The following CNBD1 variants were observed in gnomAD, a reference collection of about 807,000 sequenced individuals.
CNBD1 encodes cyclic nucleotide-binding domain-containing protein 1.
CNBD1 carries 71 observed loss-of-function variants against 54.4 expected under a neutral mutation model. That is an observed-to-expected ratio of 1.30 (90% CI 1.08 to 1.59). The LOEUF (loss-of-function observed/expected upper bound fraction) is 1.59. CNBD1 is among the 40% of genes most tolerant of loss of function. The pLI, the probability that CNBD1 is intolerant of heterozygous loss-of-function variation, is 0.00. For synonymous variants in CNBD1, 182 were observed against 170.7 expected (o/e 1.07, Z -0.51); for missense variants, 659 against 518.0 (o/e 1.27, Z -2.64).
chr8:87,414,014 A>C (rs1425017531), intron 2 of CNBD1, among the ~76,000 whole-genome samples: 8 of 152,088 alleles, frequency 5.3e-5, no homozygotes, highest in Non-Finnish European at 1.0e-4. Flanking sequence ...CAGCCATCCC[A>C]TTACTGGGTA....
At chr8:87,389,666 G>C (rs533704907) in intron 2 of CNBD1, among the ~76,000 whole-genome samples, 9 of 152,068 alleles carry the variant, frequency 5.9e-5, no homozygotes. Context: ...CATAAAAATG[G>C]CCATACTGCC....
At chr8:86,931,280 T>C (rs1051496934) in intron 3 of CNBD1, among the ~76,000 whole-genome samples, 7 of 152,052 alleles carry the variant, frequency 4.6e-5, no homozygotes, top group Admixed American at 6.5e-5. Context: ...TGGCCCTCAG[T>C]GGTTAAACTT....
chr8:87,394,518 TA>T (rs1313050236), intron 2 of CNBD1, among the ~76,000 whole-genome samples: 1 of 151,898 alleles, frequency 6.6e-6, no homozygotes, highest in African/African-American at 2.4e-5. Context: ...TGCCCCCACA[TA>T]AAAGAATAAG....
chr8:87,024,353 C>G (rs1332350536), intron 4 of CNBD1, among the ~76,000 whole-genome samples: 1 of 146,822 alleles, frequency 6.8e-6, no homozygotes, highest in African/African-American at 2.5e-5. Flanking sequence ...TTTTATTTAT[C>G]TTTTGAGAGG....
chr8:87,364,530 G>A (rs1001172756), intron 10 of CNBD1, among the ~76,000 whole-genome samples: 5 of 151,578 alleles, frequency 3.3e-5, no homozygotes, highest in Admixed American at 1.3e-4. Context: ...ACATGTGCAA[G>A]TTTGTTATAT....
intron 4 of CNBD1, among the ~76,000 whole-genome samples, chr8:87,044,134 T>C (rs1274905786): frequency 6.6e-6 from 1 of 152,228 alleles, no homozygotes; most frequent in African/African-American, 2.4e-5. Context: ...ATTTTGGTTT[T>C]CTACAGAAGC....
intron 2 of CNBD1, among the ~76,000 whole-genome samples, chr8:87,388,816 C>G (rs187608573): frequency 1.3e-5 from 2 of 152,126 alleles, no homozygotes; most frequent in African/African-American, 4.8e-5. Context: ...AATTTTAGAC[C>G]AATATCCCTG....
intron 2 of CNBD1, among the ~76,000 whole-genome samples, chr8:87,421,232 T>A (rs961418650): frequency 6.6e-6 from 1 of 151,960 alleles, no homozygotes; most frequent in African/African-American, 2.4e-5. Context: ...TTTTCTTTTT[T>A]ATTTTTTTAT....
chr8:86,935,164 T>C (rs1809524466), intron 3 of CNBD1, among the ~76,000 whole-genome samples: 1 of 152,030 alleles, frequency 6.6e-6, no homozygotes, highest in Non-Finnish European at 1.5e-5. Context: ...GTGTCCCGAG[T>C]AGCTGGGACT....
At chr8:87,330,725 G>A (rs1013665397) in intron 8 of CNBD1, among the ~76,000 whole-genome samples, 4 of 152,214 alleles carry the variant, frequency 2.6e-5, no homozygotes, top group Admixed American at 2.0e-4. Context: ...CTTTGTGAAT[G>A]TTCTATGTTC....
intron 10 of CNBD1, among the ~76,000 whole-genome samples, chr8:87,374,825 G>A (rs943003596): frequency 3.3e-5 from 5 of 150,058 alleles, no homozygotes; most frequent in Non-Finnish European, 7.4e-5. Context: ...AAATAGCTTA[G>A]CTAGAAACAT....
chr8:87,359,994 T>C (rs1012444916), intron 10 of CNBD1, among the ~76,000 whole-genome samples: 2 of 152,026 alleles, frequency 1.3e-5, no homozygotes, highest in African/African-American at 2.4e-5. Flanking sequence ...TTTAGAACTA[T>C]AAAGGTATTA....
intron 6 of CNBD1, among the ~76,000 whole-genome samples, chr8:87,281,596 AT>A (rs1808603594): frequency 1.2e-5 from 1 of 84,982 alleles, no homozygotes; most frequent in Non-Finnish European, 2.4e-5. Flanking sequence ...ATATATATAT[AT>A]ATATAACTAA....
intron 5 of CNBD1, among the ~76,000 whole-genome samples, chr8:87,216,394 A>G (rs1814212057): frequency 6.6e-6 from 1 of 152,158 alleles, no homozygotes; most frequent in African/African-American, 2.4e-5. Context: ...TATATCATAC[A>G]CGTACACTAC....
chr8:87,002,129 T>C (rs979900673), intron 4 of CNBD1, among the ~76,000 whole-genome samples: 4 of 152,166 alleles, frequency 2.6e-5, no homozygotes, highest in Non-Finnish European at 1.5e-5. Context: ...TTTTCTCTCA[T>C]ACCTTATATC....
At chr8:87,330,808 ATGT>A (rs1179084561) in intron 8 of CNBD1, among the ~76,000 whole-genome samples, 2 of 152,164 alleles carry the variant, frequency 1.3e-5, no homozygotes, top group South Asian at 2.1e-4. Flanking sequence ...ATGATTGATG[ATGT>A]TGTTGAGTTA....
At chr8:87,015,977 C>CA (rs58453987) in intron 4 of CNBD1, among the ~76,000 whole-genome samples, 2,840 of 55,460 alleles carry the variant, frequency 0.051, 130 homozygotes, top group African/African-American at 0.061. Flanking sequence ...GAATCCGTCT[C>CA]AAAAAAAAAA....
intron 4 of CNBD1, among the ~76,000 whole-genome samples, chr8:87,054,935 T>G (rs1055153349): frequency 5.3e-5 from 8 of 152,200 alleles, no homozygotes; most frequent in African/African-American, 7.2e-5. Flanking sequence ...GGCTTTTAAC[T>G]GACTGATGGG....
chr8:86,980,797 T>A (rs577364099), intron 4 of CNBD1, among the ~76,000 whole-genome samples: 1 of 152,238 alleles, frequency 6.6e-6, no homozygotes, highest in East Asian at 1.9e-4. Context: ...TTATTATTTT[T>A]ACCATTTTAA....
Sources: gnomAD v4.1 joint callset for allele counts (sites outside exome capture counted in the v4.1 genomes callset) on GRCh38, gnomAD v4.1.1 for gene constraint, MANE v1.5 for transcripts, NCBI Gene and HGNC (gene_info 2026-07-23, HGNC 2026-07-21) for gene names.